The following C4orf50 variants were observed in gnomAD, a reference collection of about 807,000 sequenced individuals.
The protein encoded by C4orf50 is chromosome 4 open reading frame 50.
A neutral mutation model predicts 77.2 loss-of-function variants in C4orf50; 80 were observed. The ratio of observed to expected loss-of-function variants is 1.04; its 90% CI spans 0.87 to 1.25. The LOEUF is 1.25. Among genes scored for constraint, C4orf50 ranks in the 50% most tolerant of loss-of-function variants. The pLI is 0.00. For missense variants in C4orf50, 1,257 were observed against 1,152.9 expected (o/e 1.09, Z -1.31); for synonymous variants, 532 against 465.3 (o/e 1.14, Z -1.84).
intron 7 of C4orf50, chr4:5,902,614 A>C (rs1320576223): frequency 6.6e-6 from 1 of 152,086 alleles, no homozygotes; most frequent in African/African-American, 2.4e-5. Context: ...TAATCCTTGT[A>C]ATAGCCCAGT....
At chr4:5,926,818 A>C (rs979759331) in intron 7 of C4orf50, among the ~76,000 whole-genome samples, 5 of 152,228 alleles carry the variant, frequency 3.3e-5, no homozygotes, top group South Asian at 2.1e-4. Flanking sequence ...CAAACAGGAA[A>C]CCTGAACTCT....
intron 23 of C4orf50, among the ~76,000 whole-genome samples, chr4:6,013,242 C>T (rs868726691): frequency 6.6e-6 from 1 of 152,168 alleles, no homozygotes; most frequent in Non-Finnish European, 1.5e-5. Flanking sequence ...CCAGAGTGTG[C>T]TCTCTCGTGA....
downstream of C4orf50, chr4:5,956,881 T>G (rs944348231): frequency 9.2e-5 from 14 of 152,336 alleles, no homozygotes; most frequent in African/African-American, 3.4e-4. Context: ...AGCTCCTGTG[T>G]GCCAAGTTCC....
intron 7 of C4orf50, among the ~76,000 whole-genome samples, chr4:5,947,474 G>A (rs1049996076): frequency 6.6e-6 from 1 of 152,322 alleles, no homozygotes; most frequent in Admixed American, 6.5e-5. Flanking sequence ...GAAAAAGAAT[G>A]CAGCCTCCAG....
At chr4:5,937,346 T>C (rs540275046) in intron 7 of C4orf50, among the ~76,000 whole-genome samples, 1 of 152,042 alleles carries the variant, frequency 6.6e-6, no homozygotes, top group Admixed American at 6.5e-5. Flanking sequence ...AAGTTAGAGA[T>C]GCCAAGCCAA....
intron 31 of C4orf50, among the ~76,000 whole-genome samples, chr4:5,969,648 C>T (rs912367268): frequency 6.6e-6 from 1 of 152,010 alleles, no homozygotes; most frequent in Non-Finnish European, 1.5e-5. Context: ...GTGACAGGTG[C>T]TGTGCCAGGC....
At chr4:5,984,310 A>C (rs953787268) in intron 28 of C4orf50, among the ~76,000 whole-genome samples, 1 of 152,248 alleles carries the variant, frequency 6.6e-6, no homozygotes, top group Non-Finnish European at 1.5e-5. Flanking sequence ...AGACATGAAG[A>C]AGCAGAAAAA....
intron 28 of C4orf50, among the ~76,000 whole-genome samples, chr4:5,983,837 T>G (rs150949889): frequency 6.6e-6 from 1 of 152,160 alleles, no homozygotes; most frequent in Non-Finnish European, 1.5e-5. Flanking sequence ...AGGGAAGAGA[T>G]AGCTGCAGAG....
rs58512584 is a variant in C4orf50, at chr4:5,987,412, C to CAAAAA, written c.3699+930_3699+934dup. On this transcript the variant is annotated intron_variant, in intron 28 of 33. Transcript: ENST00000531445. ...GGTGACAGAGCGAGACTCTGTCTCA[C>CAAAAA]AAAAAAAAAAAAAAAAAAAAAAAGA... Among the ~76,000 whole-genome samples the CAAAAA allele has an allele frequency of 2.5e-3, 83 of 33,616 alleles. 12 individuals carry two copies. The highest frequency in any genetic ancestry group is 3.3e-3 in the African/African-American group (36 of 10,910). The allele number at this position is 33,616 out of a possible 152,430, so 22.1% of individuals were successfully genotyped here.
intron 7 of C4orf50, among the ~76,000 whole-genome samples, chr4:5,939,363 C>G (rs1718168892): frequency 6.6e-6 from 1 of 152,166 alleles, no homozygotes; most frequent in South Asian, 2.1e-4. Flanking sequence ...AGTTTCCCAT[C>G]TCTTTCAATC....
At chr4:5,973,661 C>G (rs1331010630) in exon 31 of C4orf50, 1 of 1,610,888 alleles carries the variant, frequency 6.2e-7, no homozygotes, top group Non-Finnish European at 8.5e-7. Flanking sequence ...GACTCTACCT[C>G]TGGGACTCCC....
chr4:5,980,596 A>G (rs1720529793), intron 28 of C4orf50, among the ~76,000 whole-genome samples: 1 of 152,118 alleles, frequency 6.6e-6, no homozygotes. Context: ...GTGCATGTAT[A>G]GGAGTGGGTG....
chr4:6,003,497 T>G (rs200305895), intron 25 of C4orf50, among the ~76,000 whole-genome samples: 2 of 74,532 alleles, frequency 2.7e-5, no homozygotes, highest in African/African-American at 9.9e-5. Context: ...GATGGTGATG[T>G]TGGTGATGAT....
intron 7 of C4orf50, among the ~76,000 whole-genome samples, chr4:5,920,846 A>G (rs1406603258): frequency 6.6e-6 from 1 of 152,212 alleles, no homozygotes; most frequent in African/African-American, 2.4e-5. Context: ...TCCGTGCTCA[A>G]CAACTGCTGA....
intron 30 of C4orf50, among the ~76,000 whole-genome samples, 172 bp from the exon 9 acceptor site, chr4:5,974,013 C>T (rs2108775483): frequency 6.6e-6 from 1 of 152,338 alleles, no homozygotes; most frequent in African/African-American, 2.4e-5. Context: ...AGAAGCCAGG[C>T]TGCTTTCGGA....
chr4:5,975,848 T>C (rs1405434401), intron 30 of C4orf50, 51 bp downstream of exon 8: 2 of 1,367,990 alleles, frequency 1.5e-6, no homozygotes, highest in Non-Finnish European at 2.1e-6. Flanking sequence ...ACTACTAAAC[T>C]CTCTTTTGTT....
chr4:5,967,360 G>A (rs1267806971), intron 32 of C4orf50, 54 bp downstream of exon 10: 75 of 1,442,830 alleles, frequency 5.2e-5, no homozygotes, highest in African/African-American at 1.5e-4. Flanking sequence ...GCGTCCTGCC[G>A]GCCTGGACTT....
chr4:5,952,376 C>A (rs966714777), downstream of C4orf50, among the ~76,000 whole-genome samples: 1 of 152,182 alleles, frequency 6.6e-6, no homozygotes, highest in Non-Finnish European at 1.5e-5. This position sits in a 1 kb window ranked among gnomAD's most constrained non-coding sequence, Gnocchi z 4.4. Flanking sequence ...AGAAGCCAGC[C>A]GAATTGCACC....
At chr4:5,999,918 G>A (rs571548475) in intron 25 of C4orf50, among the ~76,000 whole-genome samples, 9 of 152,326 alleles carry the variant, frequency 5.9e-5, no homozygotes, top group African/African-American at 2.2e-4. Context: ...AGGCAGAAGA[G>A]CCTGGCACAC....
Sources: gnomAD v4.1 joint callset for allele counts (sites outside exome capture counted in the v4.1 genomes callset) on GRCh38, gnomAD v4.1.1 for gene constraint, Gnocchi (gnomAD v3.1) non-coding constraint, MANE v1.5 for transcripts, NCBI Gene and HGNC (gene_info 2026-07-23, HGNC 2026-07-21) for gene names.